Variants in NCSTN observed in about 807,000 individuals in gnomAD.
NCSTN encodes the protein nicastrin.
Under a neutral mutation model 87.0 loss-of-function variants are expected in NCSTN, and 22 were observed. That is an observed-to-expected ratio of 0.25 (90% CI 0.18 to 0.36). The LOEUF (loss-of-function observed/expected upper bound fraction) is 0.36. Among genes scored for constraint, NCSTN ranks in the 10% least tolerant of loss-of-function variants. NCSTN has a pLI of 1.00. For missense variants in NCSTN, 693 were observed against 883.3 expected (o/e 0.78, Z 2.73); for synonymous variants, 306 against 327.1 (o/e 0.94, Z 0.69).
At chr1:160,344,071 C>G (rs1004077174) in intron 1 of NCSTN, among the ~76,000 whole-genome samples, 1 of 148,982 alleles carries the variant, frequency 6.7e-6, no homozygotes. Flanking sequence ...TTATAATGTA[C>G]TTAAGTGTTT....
rs1251872415 is a variant in NCSTN at position 160,347,261 on chromosome 1, G to T, written c.191-1738G>T. ...TATCTGTCTTTTCTGAGCAGGCTCC[G>T]CCCTTTTTAATTAGTGTAGCTAACA... On this transcript the variant is annotated intron_variant, in intron 2 of 16. Transcript: ENST00000294785. Among the ~76,000 whole-genome samples, 17 of 152,114 alleles carry T rather than the reference G, an allele frequency of 1.1e-4. 1 individual carries two copies. The highest frequency in any genetic ancestry group is 2.4e-5 in the African/African-American group (1 of 41,406).
intron 13 of NCSTN, 146 bp downstream of exon 13, chr1:160,356,104 G>A (rs953535236): frequency 1.0e-6 from 1 of 997,624 alleles, no homozygotes; most frequent in Non-Finnish European, 1.6e-6. Context: ...CTCTTGGGTG[G>A]GCCTCATCTG....
At position 160,358,441 on chromosome 1, in the gene NCSTN, G is replaced by C. The variant is rs1337920382; in HGVS notation, c.*170G>C. 4 of 872,636 alleles carry C rather than the reference G, an allele frequency of 4.6e-6. No individual in the cohort carries two copies. The African/African-American group carries it at 6.7e-5, about 15-fold the overall frequency. 54.1% of individuals were successfully genotyped at this position (872,636 alleles called of 1,614,324 possible). ...AGAGACAGGGAGAAATAAATAAATTGCCTCCCTTCCTCCGCTCCCCTTTCC... is the reference window on the plus strand; with the variant it reads ...AGAGACAGGGAGAAATAAATAAATTCCCTCCCTTCCTCCGCTCCCCTTTCC... On this transcript the variant is annotated 3_prime_UTR_variant, in exon 17 of 17. Coordinates refer to ENST00000294785, the MANE Select transcript of NCSTN (RefSeq NM_015331.3).
intron 11 of NCSTN, among the ~76,000 whole-genome samples, chr1:160,354,970 A>G (rs190751624): frequency 4.6e-5 from 7 of 152,288 alleles, no homozygotes; most frequent in African/African-American, 1.2e-4. Flanking sequence ...TCATTCATTT[A>G]GGGGAGTGAC....
chr1:160,349,148 A>G (rs200087560), intron 3 of NCSTN, 26 bp downstream of exon 3: 7 of 1,613,782 alleles, frequency 4.3e-6, no homozygotes, highest in South Asian at 1.1e-5. Context: ...ATCTGCTGGG[A>G]AAACATCCAT....
In NCSTN at chr1:160,347,550, C is replaced by G. The variant is rs192935088; in HGVS notation, c.191-1449C>G. On this transcript the variant is annotated intron_variant, in intron 2 of 16. Coordinates refer to ENST00000294785, the MANE Select transcript of NCSTN (RefSeq NM_015331.3). ...ACTAGTTGGAACCCAGATTAGAATC[C>G]AGGTTTTTTTCAGTCCAGTATCATA... Among the ~76,000 whole-genome samples, 20 of 152,248 alleles carry G rather than the reference C, an allele frequency of 1.3e-4. No homozygotes were observed. In the East Asian group the frequency reaches 2.1e-3, roughly 16 times the overall value.
In NCSTN at chr1:160,358,271, A is replaced by C; in HGVS notation, c.2130A>C (p.Ter710CysextTer15). The C allele has an allele frequency of 6.2e-7, 1 of 1,614,006 alleles. No homozygotes were observed. Among genetic ancestry groups the C allele is most frequent in the Non-Finnish European group, 8.5e-7 (1 of 1,179,996 alleles). Reference sequence around the variant, plus strand: ...GGGAGCCAGGAGCTGTGTCATACTGAGGAGGACCCCAGCTTTTCTTGCCAG... The same window carrying C: ...GGGAGCCAGGAGCTGTGTCATACTGCGGAGGACCCCAGCTTTTCTTGCCAG... ...APREPGAVSY[*>C] The change falls in exon 17 of 17, where the codon TGA becomes TGC. Residue 710 changes from the stop codon to cysteine (C), a stop_lost. Coordinates refer to ENST00000294785, the MANE Select transcript of NCSTN (RefSeq NM_015331.3).
At chr1:160,354,522 C>A (rs1205010829) in intron 11 of NCSTN, among the ~76,000 whole-genome samples, 1 of 152,138 alleles carries the variant, frequency 6.6e-6, no homozygotes, top group Non-Finnish European at 1.5e-5. Flanking sequence ...TGTCAACAAT[C>A]CTTGGTTATG....
At chr1:160,351,909 C>A in intron 7 of NCSTN, 104 bp downstream of exon 7, 2 of 1,471,424 alleles carry the variant, frequency 1.4e-6, no homozygotes, top group Non-Finnish European at 1.9e-6. Flanking sequence ...TGGGAAGCCT[C>A]AAATGGGGAG....
chr1:160,353,971 C>T (rs1649003499), intron 10 of NCSTN, 147 bp from the exon 11 acceptor site: 2 of 934,274 alleles, frequency 2.1e-6, no homozygotes, highest in Non-Finnish European at 3.2e-6. Flanking sequence ...GCCTTGGTCC[C>T]AAAAGGCTTG....
At chr1:160,344,177 A>G (rs962921366) in intron 1 of NCSTN, among the ~76,000 whole-genome samples, 3 of 151,914 alleles carry the variant, frequency 2.0e-5, no homozygotes, top group African/African-American at 4.8e-5. Context: ...CCTTCCCCCA[A>G]TTCACATTGT....
intron 11 of NCSTN, 21 bp from the exon 12 acceptor site, chr1:160,355,634 T>C (rs781700985): frequency 3.8e-6 from 6 of 1,579,710 alleles, no homozygotes; most frequent in Non-Finnish European, 4.4e-6. Flanking sequence ...TAGCCAAGGC[T>C]CATGCCGGCT....
In NCSTN at chr1:160,353,424, CA is replaced by C. The variant is rs3215786; in HGVS notation, c.1179+188del. On this transcript the variant is annotated intron_variant, in intron 10 of 16. Transcript: ENST00000294785. ...CTGGGAAGAATCAGGAACTCAGTGACATTCCATTGGTTCCCTGGACTGGGTA... is the reference window on the plus strand; with the variant it reads ...CTGGGAAGAATCAGGAACTCAGTGACTTCCATTGGTTCCCTGGACTGGGTA... The C allele has an allele frequency of 1.9e-3, 2,761 of 1,490,686 alleles. 37 individuals carry two copies. The East Asian group carries it at 0.036, about 19-fold the overall frequency. 92.3% of individuals were successfully genotyped at this position (1,490,686 alleles called of 1,614,324 possible). A position where few individuals can be genotyped will look rare whatever the true frequency, so the allele number is the denominator to read the frequency against.
At chr1:160,357,549 C>T (rs1315560714) in intron 16 of NCSTN, among the ~76,000 whole-genome samples, 1 of 152,214 alleles carries the variant, frequency 6.6e-6, no homozygotes, top group African/African-American at 2.4e-5. Flanking sequence ...GGATTACAGG[C>T]ATGTGTCACC....
Position 160,358,466 on chromosome 1 carries a change from C to A in NCSTN, c.*195C>A. 1 of 698,866 alleles carries A rather than the reference C, an allele frequency of 1.4e-6. No individual in the cohort carries two copies. Among genetic ancestry groups the A allele is most frequent in the South Asian group, 1.7e-5 (1 of 59,518 alleles). 43.3% of individuals were successfully genotyped at this position (698,866 alleles called of 1,614,324 possible). A position where few individuals can be genotyped will look rare whatever the true frequency, so the allele number is the denominator to read the frequency against. On this transcript the variant is annotated 3_prime_UTR_variant, in exon 17 of 17. Coordinates refer to ENST00000294785, the MANE Select transcript of NCSTN (RefSeq NM_015331.3). ...GCCTCCCTTCCTCCGCTCCCCTTTC[C>A]CATCACCCCTTCCCCATTTCCTCTT... is the stretch of plus-strand genomic sequence containing the variant.
At position 160,358,166 on chromosome 1, in the gene NCSTN, G is replaced by A; in HGVS notation, c.2025G>A (p.Val675=). Reference sequence around the variant, plus strand: ...CCCTGCAGTTGATCACCCTGACAGTGGGCTTCGGCATCCTCATCTTCTCCC... The same window carrying A: ...CCCTGCAGTTGATCACCCTGACAGTAGGCTTCGGCATCCTCATCTTCTCCC... The part of the protein sequence containing the change: ...SKELELITLT[V]GFGILIFSLI... Residue 675 remains valine, a synonymous_variant, in exon 17 of 17, where the codon GTG becomes GTA. Transcript: ENST00000294785. 1 of 1,614,096 alleles carries A rather than the reference G, an allele frequency of 6.2e-7. No individual in the cohort carries two copies. The highest frequency in any genetic ancestry group is 1.1e-5 in the South Asian group (1 of 91,082).
rs942831695 is a variant in NCSTN, at chr1:160,346,640, C to G, written c.190+1814C>G. Reference sequence around the variant, plus strand: ...TTTTTTTTTGAGATGCAGTCTCGCCCTCTCGCCCAGGCTGGAGTGCAATGG... The same window carrying G: ...TTTTTTTTTGAGATGCAGTCTCGCCGTCTCGCCCAGGCTGGAGTGCAATGG... On this transcript the variant is annotated intron_variant, in intron 2 of 16. Transcript: ENST00000294785. Among the ~76,000 whole-genome samples the G allele has an allele frequency of 2.3e-4, 35 of 151,820 alleles. 1 individual carries two copies. Among genetic ancestry groups the G allele is most frequent in the African/African-American group, 8.0e-4 (33 of 41,304 alleles).
In NCSTN at chr1:160,352,122, C is replaced by T. The variant is rs1648884785; in HGVS notation, c.912C>T (p.Thr304=). 6.2e-7 allele frequency: 1 copy of T among 1,614,094 alleles called. No individual in the cohort carries two copies. The highest frequency in any genetic ancestry group is 1.3e-5 in the African/African-American group (1 of 74,936). The stretch of plus-strand genomic sequence containing the variant: ...AAAGCGCAGTGGCTTCCTTTGTCAC[C>T]CAGCTGGCTGCTGCTGAAGCTTTGC... The part of the protein sequence containing the change: ...GAESAVASFV[T]QLAAAEALQK... Residue 304 remains threonine, a synonymous_variant, in exon 8 of 17, where the codon ACC becomes ACT. Transcript: ENST00000294785.
At chr1:160,349,484 A>G (rs544311430) in intron 3 of NCSTN, 65 bp from the exon 4 acceptor site, 1 of 1,602,012 alleles carries the variant, frequency 6.2e-7, no homozygotes, top group South Asian at 1.1e-5. Context: ...TCCATCCTGC[A>G]GGCAGAATGT....
Sources: gnomAD v4.1 joint callset for allele counts (sites outside exome capture counted in the v4.1 genomes callset) on GRCh38, gnomAD v4.1.1 for gene constraint, MANE v1.5 for transcripts, NCBI Gene and HGNC (gene_info 2026-07-23, HGNC 2026-07-21) for gene names.